Variants in KCNT1 observed in about 807,000 individuals in gnomAD.
KCNT1 encodes potassium sodium-activated channel subfamily T member 1.
KCNT1 carries 78 observed loss-of-function variants against 147.8 expected under a neutral mutation model. The ratio of observed to expected loss-of-function variants is 0.53; its 90% CI spans 0.44 to 0.64. The LOEUF is 0.64. KCNT1 is among the 30% of genes least tolerant of loss of function. The pLI is 0.00. For synonymous variants in KCNT1, 867 were observed against 748.8 expected, an observed-to-expected ratio of 1.16 and a Z score of -2.58; for missense variants, 1,419 against 1,750.3, an observed-to-expected ratio of 0.81 and a Z score of 3.38.
chr9:135,738,859 G>A (rs1346544747), intron 2 of KCNT1, among the ~76,000 whole-genome samples: 4 of 152,164 alleles, frequency 2.6e-5, no homozygotes, highest in Non-Finnish European at 1.5e-5. Context: ...GCTGGGGAGG[G>A]ATTGGGAGCT....
chr9:135,728,981 T>A (rs1836326205), intron 2 of KCNT1, among the ~76,000 whole-genome samples: 1 of 152,180 alleles, frequency 6.6e-6, no homozygotes, highest in Admixed American at 6.5e-5. Flanking sequence ...CCATGGTACC[T>A]TAGACTATGA....
chr9:135,761,502 G>T (rs909361588), intron 11 of KCNT1, among the ~76,000 whole-genome samples: 1 of 152,220 alleles, frequency 6.6e-6, no homozygotes, highest in African/African-American at 2.4e-5. Context: ...GCCCCAATCC[G>T]TAAATCTCAC....
intron 3 of KCNT1, chr9:135,750,696 AG>A: frequency 1.8e-6 from 1 of 569,750 alleles, no homozygotes; most frequent in Non-Finnish European, 3.1e-6. Flanking sequence ...AGTGGCCTCT[AG>A]AAATCCCCTG....
intron 2 of KCNT1, among the ~76,000 whole-genome samples, chr9:135,729,897 T>C (rs368991945): frequency 6.6e-6 from 1 of 152,196 alleles, no homozygotes; most frequent in Admixed American, 6.5e-5. Flanking sequence ...GGGCAGGTAC[T>C]TCCCCCTGGT....
chr9:135,778,594 G>T, intron 22 of KCNT1, 94 bp from the exon 23 acceptor site: 2 of 1,601,794 alleles, frequency 1.2e-6, no homozygotes, highest in Non-Finnish European at 1.7e-6. Context: ...GGGGTGGGGG[G>T]CTGAGGTCCT....
intron 1 of KCNT1, among the ~76,000 whole-genome samples, chr9:135,707,335 G>A (rs905457407): frequency 2.0e-5 from 3 of 151,874 alleles, no homozygotes; most frequent in African/African-American, 7.3e-5. Flanking sequence ...CCACCCTCAG[G>A]CTGTCCACCC....
At chr9:135,783,053 C>T (rs774864863) in intron 24 of KCNT1, among the ~76,000 whole-genome samples, 2 of 152,236 alleles carry the variant, frequency 1.3e-5, no homozygotes, top group African/African-American at 2.4e-5. Flanking sequence ...TGGGCGCACA[C>T]GCCTGCCTGT....
rs192637628 is a variant in KCNT1 at position 135,779,548 on chromosome 9, G to A, written c.2841+78G>A. 1.9e-5 allele frequency: 21 copies of A among 1,101,392 alleles called. No homozygotes were observed. The African/African-American group carries it at 2.8e-4, about 15-fold the overall frequency. 68.2% of individuals were successfully genotyped at this position (1,101,392 alleles called of 1,614,324 possible). ...GGAGAAAGGGGCTCAGGGGAAAGGG[G>A]GCCAGTGCCATGGGAGGCTGGGCTC... On this transcript the variant is annotated intron_variant, in intron 24 of 30. Transcript: ENST00000371757.
In KCNT1 at chr9:135,774,830, G is replaced by A. The variant is rs146014604; in HGVS notation, c.2244-480G>A. Among the ~76,000 whole-genome samples, 573 of 152,142 alleles carry A rather than the reference G, an allele frequency of 3.8e-3. 1 individual carries two copies. Among genetic ancestry groups the A allele is most frequent in the Admixed American group, 5.8e-3 (88 of 15,294 alleles). On this transcript the variant is annotated intron_variant, in intron 19 of 30. Coordinates refer to ENST00000371757, the MANE Select transcript of KCNT1 (RefSeq NM_020822.3). ...GGGGGTCCTGGGCTGACCAGGTGAGGGGTGAGCCCCACCGCCACCCCCTTC... is the reference window on the plus strand; with the variant it reads ...GGGGGTCCTGGGCTGACCAGGTGAGAGGTGAGCCCCACCGCCACCCCCTTC...
intron 2 of KCNT1, among the ~76,000 whole-genome samples, chr9:135,726,785 G>A (rs372659962): frequency 5.6e-5 from 3 of 53,906 alleles, no homozygotes; most frequent in Admixed American, 2.5e-4. Flanking sequence ...CTCTCTCTCC[G>A]TCTTTCCTAT....
Position 135,714,421 on chromosome 9 carries a change from G to A in KCNT1, c.111-156G>A, listed in dbSNP as rs867486528. 3.0e-4 allele frequency: 69 copies of A among 226,674 alleles called. 2 individuals are homozygous for A. In the South Asian group the frequency reaches 8.7e-3, roughly 28 times the overall value. 14.0% of individuals were successfully genotyped at this position (226,674 alleles called of 1,614,324 possible). On this transcript the variant is annotated intron_variant, in intron 1 of 30. Coordinates refer to ENST00000371757, the MANE Select transcript of KCNT1 (RefSeq NM_020822.3). This position sits in a 1 kb window ranked among gnomAD's most constrained non-coding sequence, Gnocchi z 6.2. ...CGGTCCCGCGCGCCCCCGCCCGCATGTGCCGCCAGGCCCGCCCCCGCCCGG... is the reference window on the plus strand; with the variant it reads ...CGGTCCCGCGCGCCCCCGCCCGCATATGCCGCCAGGCCCGCCCCCGCCCGG...
intron 2 of KCNT1, among the ~76,000 whole-genome samples, chr9:135,732,386 G>C (rs1367415587): frequency 6.6e-6 from 1 of 152,128 alleles, no homozygotes; most frequent in Non-Finnish European, 1.5e-5. Context: ...ATCCTCCAGT[G>C]GAAGTGTCCT....
At position 135,778,302 on chromosome 9, in the gene KCNT1, G is replaced by A. The variant is rs556489226; in HGVS notation, c.2523-122G>A. On this transcript the variant is annotated intron_variant, in intron 21 of 30. Transcript: ENST00000371757. ...TTAAAGTACTCCCCAGGTCCCATAC[G>A]CTGCGGTTCTGGGGAACCCCTGCCT... 72 of 801,858 alleles carry A rather than the reference G, an allele frequency of 9.0e-5. No homozygotes were observed. In the Admixed American group the frequency reaches 1.2e-3, roughly 13 times the overall value. 49.7% of individuals were successfully genotyped at this position (801,858 alleles called of 1,614,324 possible).
At chr9:135,742,197 G>A (rs909107421) in intron 2 of KCNT1, among the ~76,000 whole-genome samples, 5 of 152,216 alleles carry the variant, frequency 3.3e-5, no homozygotes, top group African/African-American at 9.7e-5. Flanking sequence ...CCTTGGGGCA[G>A]GGCTGGCGGG....
intron 13 of KCNT1, among the ~76,000 whole-genome samples, 170 bp downstream of exon 13, chr9:135,765,930 C>T (rs555435799): frequency 2.5e-4 from 38 of 151,716 alleles, no homozygotes; most frequent in South Asian, 2.1e-3. Flanking sequence ...GTGGATCGTC[C>T]GGGGTGGACC....
At chr9:135,732,013 GA>G (rs1836487138) in intron 2 of KCNT1, among the ~76,000 whole-genome samples, 1 of 121,870 alleles carries the variant, frequency 8.2e-6, no homozygotes. Flanking sequence ...GAGAGAGAGA[GA>G]GAGAGAGAGA....
chr9:135,771,026 G>C lies in KCNT1; in HGVS notation c.1939G>C (p.Ala647Pro). 6.2e-7 allele frequency: 1 copy of C among 1,613,410 alleles called. No homozygotes were observed. The highest frequency in any genetic ancestry group is 1.3e-5 in the African/African-American group (1 of 75,044). The part of the protein sequence containing the change: ...FKQEEKRKKR[A>P]FSGQGLHEGP... Reference sequence around the variant, plus strand: ...GCAGGAGGAGAAGCGGAAGAAGAGGGCCTTCTCGGGGCAGGGGCTGCACGA... The same window carrying C: ...GCAGGAGGAGAAGCGGAAGAAGAGGCCCTTCTCGGGGCAGGGGCTGCACGA... The change falls in exon 18 of 31, where the codon GCC (alanine) becomes CCC (proline). Residue 647 changes from alanine (A) to proline (P), a missense_variant. By Grantham distance (27) the Ala-to-Pro change is conservative. This residue lies in a region of KCNT1 where 284 missense variants were observed against 292.8 expected (regional missense o/e 0.97). Transcript: ENST00000371757.
At position 135,714,710 on chromosome 9, in the gene KCNT1, AACG is replaced by A. The variant is rs1208582783; in HGVS notation, c.250_252del (p.Asp84del). On this transcript the variant is annotated inframe_deletion, in exon 2 of 31. Transcript: ENST00000371757. This position sits in a 1 kb window ranked among gnomAD's most constrained non-coding sequence, Gnocchi z 6.2. The stretch of plus-strand genomic sequence containing the variant: ...GCTGCTGGGCGACCCGTCCTTCCAG[AACG>A]ACGACAGGTAGGGACCGGGCGCGGG... The A allele has an allele frequency of 7.0e-7, 1 of 1,437,204 alleles. No homozygotes were observed. Among genetic ancestry groups the A allele is most frequent in the East Asian group, 3.2e-5 (1 of 31,032 alleles). The allele number at this position is 1,437,204 out of a possible 1,614,324, so 89.0% of individuals were successfully genotyped here. A position where few individuals can be genotyped will look rare whatever the true frequency, so the allele number is the denominator to read the frequency against.
At chr9:135,778,949 G>A in intron 23 of KCNT1, 127 bp downstream of exon 23, 1 of 1,156,854 alleles carries the variant, frequency 8.6e-7, no homozygotes, top group Non-Finnish European at 1.2e-6. Context: ...ACGACCACGG[G>A]CCCTCGCCCT....
Sources: gnomAD v4.1 joint callset for allele counts (sites outside exome capture counted in the v4.1 genomes callset) on GRCh38, gnomAD v4.1.1 for gene constraint, gnomAD v4.1.1 regional missense constraint, Gnocchi (gnomAD v3.1) non-coding constraint, MANE v1.5 for transcripts, NCBI Gene and HGNC (gene_info 2026-07-23, HGNC 2026-07-21) for gene names.